The following ARHGAP6 variants were observed in gnomAD, a reference collection of about 807,000 sequenced individuals.
The protein encoded by ARHGAP6 is rho GTPase-activating protein 6.
A neutral mutation model predicts 55.7 loss-of-function variants in ARHGAP6; 16 were observed. The observed-to-expected ratio is 0.29, with a 90% CI of 0.19 to 0.44. The LOEUF (loss-of-function observed/expected upper bound fraction) is 0.44, where lower values mean the gene tolerates loss of function less well. Ranked by LOEUF, ARHGAP6 falls within the 20% of genes least tolerant of loss-of-function variation. The pLI is 1.00. For synonymous variants in ARHGAP6, 382 were observed against 360.9 expected, an observed-to-expected ratio of 1.06 and a Z score of -0.66; for missense variants, 698 against 808.9, an observed-to-expected ratio of 0.86 and a Z score of 1.66.
At chrX:11,543,726 G>A (rs185372347) in intron 1 of ARHGAP6, among the ~76,000 whole-genome samples, 105 of 112,026 alleles carry the variant, frequency 9.4e-4, no homozygotes, top group Non-Finnish European at 1.5e-3. Context: ...GTTTGGACCC[G>A]AGACTGTCTG....
At chrX:11,223,662 A>C (rs750486590) in intron 2 of ARHGAP6, among the ~76,000 whole-genome samples, 1 of 112,136 alleles carries the variant, frequency 8.9e-6, no homozygotes, top group South Asian at 3.7e-4. Context: ...TATTTTAGTT[A>C]AATTGTTTTC....
chrX:11,320,964 T>C (rs1411441704), intron 1 of ARHGAP6, among the ~76,000 whole-genome samples: 2 of 111,620 alleles, frequency 1.8e-5, no homozygotes, highest in East Asian at 2.8e-4. Context: ...AAGGTCTCCT[T>C]GTTCCCATTA....
intron 1 of ARHGAP6, among the ~76,000 whole-genome samples, chrX:11,387,808 G>A (rs2097102442): frequency 9.0e-6 from 1 of 111,116 alleles, no homozygotes; most frequent in South Asian, 3.9e-4. Flanking sequence ...GCGGTGTTTG[G>A]TTTTTTGTCC....
At chrX:11,182,627 CCTTTTTT>C (rs2046329434) in intron 5 of ARHGAP6, among the ~76,000 whole-genome samples, 1 of 104,146 alleles carries the variant, frequency 9.6e-6, no homozygotes, top group Non-Finnish European at 2.0e-5. Context: ...TCTTTTTTTT[CCTTTTTT>C]CTTTTTTTTT....
intron 1 of ARHGAP6, among the ~76,000 whole-genome samples, chrX:11,398,571 G>A (rs1378586373): frequency 9.0e-6 from 1 of 111,600 alleles, no homozygotes; most frequent in African/African-American, 3.2e-5. Context: ...ACCTGCTTTG[G>A]CATGGCTGGC....
rs374892296 is a variant in ARHGAP6, at chrX:11,421,043, A to G, written c.589-166336T>C. On this transcript the variant is annotated intron_variant, in intron 1 of 12. Coordinates refer to ENST00000337414, the MANE Select transcript of ARHGAP6 (RefSeq NM_013427.3). ...TTTGGCATTGAGGAGTGAAGAAACA[A>G]AAAGCCCAAGATGCTGAGGCTTCTG... Among the ~76,000 whole-genome samples, 28 of 110,951 alleles carry G rather than the reference A, an allele frequency of 2.5e-4. No individual in the cohort carries two copies. In the East Asian group the frequency reaches 8.0e-3, roughly 32 times the overall value.
In ARHGAP6 at chrX:11,138,183, C is replaced by T. The variant is rs1453155641; in HGVS notation, c.*680G>A. 1 of 112,272 alleles carries T rather than the reference C, an allele frequency of 8.9e-6. No individual in the cohort carries two copies. Among genetic ancestry groups the T allele is most frequent in the Non-Finnish European group, 1.9e-5 (1 of 53,238 alleles). The allele number at this position is 112,272 out of a possible 1,213,427, so 9.3% of individuals were successfully genotyped here. A position where few individuals can be genotyped will look rare whatever the true frequency, so the allele number is the denominator to read the frequency against. On this transcript the variant is annotated 3_prime_UTR_variant, in exon 13 of 13. Coordinates refer to ENST00000337414, the MANE Select transcript of ARHGAP6 (RefSeq NM_013427.3). ...CTAAACAAGTTCTAAAAATATATTTCGTAATCTATCAGATTTAGCATTTTC... is the reference window on the plus strand; with the variant it reads ...CTAAACAAGTTCTAAAAATATATTTTGTAATCTATCAGATTTAGCATTTTC...
At chrX:11,607,606 G>A (rs910651681) in intron 1 of ARHGAP6, among the ~76,000 whole-genome samples, 17 of 112,292 alleles carry the variant, frequency 1.5e-4, no homozygotes, top group African/African-American at 5.5e-4. Flanking sequence ...AGAATCTGAG[G>A]TTATGTTCAG....
chrX:11,232,525 A>C (rs1407910138), intron 2 of ARHGAP6, among the ~76,000 whole-genome samples: 1 of 111,273 alleles, frequency 9.0e-6, no homozygotes, highest in Non-Finnish European at 1.9e-5. Context: ...CCAGTGACTC[A>C]GGGAGGCTGA....
intron 2 of ARHGAP6, among the ~76,000 whole-genome samples, chrX:11,233,879 C>T (rs945501379): frequency 1.9e-4 from 21 of 112,273 alleles, no homozygotes; most frequent in African/African-American, 6.5e-4. Context: ...ACAAGACACA[C>T]AAATCTCACA....
chrX:11,528,029 A>C (rs2051008548), intron 1 of ARHGAP6, among the ~76,000 whole-genome samples: 1 of 112,607 alleles, frequency 8.9e-6, no homozygotes, highest in African/African-American at 3.2e-5. Context: ...AGGTGGTCAA[A>C]AGGCTTAAGG....
chrX:11,439,112 TG>T (rs1212055287), intron 1 of ARHGAP6, among the ~76,000 whole-genome samples: 1 of 112,057 alleles, frequency 8.9e-6, no homozygotes, highest in African/African-American at 3.2e-5. Flanking sequence ...AAAACACCAG[TG>T]GGGGAAAACA....
intron 1 of ARHGAP6, among the ~76,000 whole-genome samples, chrX:11,632,380 C>T (rs1308277901): frequency 8.9e-6 from 1 of 112,174 alleles, no homozygotes; most frequent in Admixed American, 9.4e-5. Flanking sequence ...AACTTGCCAT[C>T]CTGCTGCTAG....
intron 1 of ARHGAP6, among the ~76,000 whole-genome samples, chrX:11,509,870 T>C (rs1453997753): frequency 9.0e-6 from 1 of 111,717 alleles, no homozygotes; most frequent in African/African-American, 3.3e-5. Context: ...GGTATAGCAA[T>C]TGTCAGGAAA....
intron 1 of ARHGAP6, among the ~76,000 whole-genome samples, chrX:11,452,509 C>T (rs760053966): frequency 8.9e-5 from 10 of 112,013 alleles, no homozygotes; most frequent in Admixed American, 3.8e-4. Context: ...AGAACCTAAT[C>T]AGAGGAATAT....
chrX:11,362,863 T>C (rs1603131511), intron 1 of ARHGAP6, among the ~76,000 whole-genome samples: 2 of 111,253 alleles, frequency 1.8e-5, no homozygotes, highest in Admixed American at 1.9e-4. Context: ...GTAATTTGTT[T>C]ATCGGTCACA....
chrX:11,312,496 C>A (rs2048312592), intron 1 of ARHGAP6, among the ~76,000 whole-genome samples: 1 of 111,526 alleles, frequency 9.0e-6, no homozygotes, highest in African/African-American at 3.3e-5. Flanking sequence ...TATCCAGCTG[C>A]CTTCTTGACC....
Position 11,144,236 on chromosome X carries a change from C to T in ARHGAP6, c.1920G>A (p.Met640Ile). The change falls in exon 11 of 13, where the codon ATG becomes ATA. Residue 640 changes from methionine to isoleucine, a missense_variant. Met to Ile is a conservative substitution (Grantham distance 10). Coordinates refer to ENST00000337414, the MANE Select transcript of ARHGAP6 (RefSeq NM_013427.3). ...RKASQSSSPD[M>I]LQSEVSFSVG... is the part of the protein sequence containing the mutation. Reference sequence around the variant, plus strand: ...CGGAAAAGGAAACTTCCGACTGCAGCATGTCAGGGCTTCTGGCACAATGAG... The same window carrying T: ...CGGAAAAGGAAACTTCCGACTGCAGTATGTCAGGGCTTCTGGCACAATGAG... The T allele has an allele frequency of 5.0e-6, 6 of 1,211,248 alleles. No individual in the cohort carries two copies. Among genetic ancestry groups the T allele is most frequent in the Non-Finnish European group, 6.7e-6 (6 of 895,324 alleles).
At chrX:11,616,288 T>C (rs1465665962) in intron 1 of ARHGAP6, among the ~76,000 whole-genome samples, 2 of 111,429 alleles carry the variant, frequency 1.8e-5, no homozygotes, top group African/African-American at 6.5e-5. Context: ...ATGCTTCTTG[T>C]ACAGCCTGCA....
Sources: allele counts gnomAD v4.1 joint callset (sites outside exome capture counted in the v4.1 genomes callset), GRCh38; gene constraint gnomAD v4.1.1; transcripts MANE v1.5; gene names NCBI Gene and HGNC (gene_info 2026-07-23, HGNC 2026-07-21).